The following NLN variants were observed in gnomAD, a reference collection of about 807,000 sequenced individuals.
The protein encoded by NLN is neurolysin, mitochondrial.
NLN carries 64 observed loss-of-function variants against 79.9 expected under a neutral mutation model. The ratio of observed to expected loss-of-function variants is 0.80; its 90% CI spans 0.65 to 0.99. The LOEUF (loss-of-function observed/expected upper bound fraction) is 0.99. Among genes scored for constraint, NLN ranks in the 50% least tolerant of loss-of-function variants. The pLI is 0.00. For synonymous variants in NLN, 267 were observed against 296.6 expected (o/e 0.90, Z 1.02); for missense variants, 835 against 858.7 (o/e 0.97, Z 0.34).
At chr5:65,794,434 G>A (rs1327133690) in intron 9 of NLN, among the ~76,000 whole-genome samples, 1 of 152,058 alleles carries the variant, frequency 6.6e-6, no homozygotes, top group Non-Finnish European at 1.5e-5. Context: ...GTGAAACCCA[G>A]TCTCTACAAA....
chr5:65,733,524 C>T, intron 1 of NLN: 2 of 1,445,756 alleles, frequency 1.4e-6, no homozygotes, highest in Non-Finnish European at 1.9e-6. Context: ...GATCCTTGCC[C>T]CAATTCGGGC....
chr5:65,761,707 AATT>A (rs1350435996), intron 2 of NLN, among the ~76,000 whole-genome samples: 1 of 152,228 alleles, frequency 6.6e-6, no homozygotes, highest in East Asian at 1.9e-4. Context: ...ACAGACATAA[AATT>A]ATTATTAAAT....
intron 1 of NLN, chr5:65,723,155 A>C (rs767528917): frequency 9.2e-5 from 14 of 152,372 alleles, no homozygotes; most frequent in African/African-American, 2.4e-5. Flanking sequence ...CCGTTTCCAA[A>C]TCTGCCCAGA....
At chr5:65,723,935 T>A (rs1758392177) in intron 1 of NLN, among the ~76,000 whole-genome samples, 1 of 151,470 alleles carries the variant, frequency 6.6e-6, no homozygotes, top group Non-Finnish European at 1.5e-5. Context: ...TGTCTATATT[T>A]ACCATATTAG....
At position 65,733,229 on chromosome 5, in the gene NLN, G is replaced by A. The variant is rs1758650485; in HGVS notation, c.41+10815G>A. 1.3e-5 allele frequency: 19 copies of A among 1,519,272 alleles called. 3 individuals carry two copies. Among genetic ancestry groups the A allele is most frequent in the Admixed American group, 1.7e-5 (1 of 58,152 alleles). 94.1% of individuals were successfully genotyped at this position (1,519,272 alleles called of 1,614,324 possible). ...TGCATCTGATTCATATCCTAATGTGGACCACCAATCTTGAGCCCCTTGGAG... is the reference window on the plus strand; with the variant it reads ...TGCATCTGATTCATATCCTAATGTGAACCACCAATCTTGAGCCCCTTGGAG... On this transcript the variant is annotated intron_variant, in intron 1 of 12. Coordinates refer to ENST00000380985, the MANE Select transcript of NLN (RefSeq NM_020726.5).
At position 65,748,637 on chromosome 5, in the gene NLN, C is replaced by G. The variant is rs185979992; in HGVS notation, c.42-9930C>G. Among the ~76,000 whole-genome samples the G allele has an allele frequency of 2.8e-3, 422 of 152,142 alleles. 3 individuals carry two copies. Among genetic ancestry groups the G allele is most frequent in the African/African-American group, 9.8e-3 (407 of 41,494 alleles). ...AGGCATGATGGTGCATGCCTATAGT[C>G]CCAGCTATTAGGGAAATGGGAGGAT... On this transcript the variant is annotated intron_variant, in intron 1 of 12. Coordinates refer to ENST00000380985, the MANE Select transcript of NLN (RefSeq NM_020726.5).
chr5:65,768,093 G>A (rs984833175), intron 3 of NLN, among the ~76,000 whole-genome samples: 2 of 152,100 alleles, frequency 1.3e-5, no homozygotes, highest in African/African-American at 4.8e-5. Context: ...CCTCCAAACT[G>A]TTCCAACCTC....
chr5:65,827,167 T>C lies in NLN; in HGVS notation c.*4252T>C, dbSNP rs981267589. ...CTGTAACAAAACAAAATTTGAAAAA[T>C]TGAGGTAATGTACACAGCGATGCAC... On this transcript the variant is annotated 3_prime_UTR_variant, in exon 13 of 13. Transcript: ENST00000380985. 1.3e-5 allele frequency: 2 copies of C among 151,846 alleles called. No individual in the cohort carries two copies. The highest frequency in any genetic ancestry group is 1.5e-5 in the Non-Finnish European group (1 of 67,948). The allele number at this position is 151,846 out of a possible 1,614,324, so 9.4% of individuals were successfully genotyped here.
At chr5:65,743,131 C>T (rs986869550) in intron 1 of NLN, among the ~76,000 whole-genome samples, 2 of 152,182 alleles carry the variant, frequency 1.3e-5, no homozygotes, top group Non-Finnish European at 2.9e-5. Context: ...CCTCTCCTGA[C>T]TTGGGGAAGC....
chr5:65,784,906 A>G (rs376146796), intron 6 of NLN, among the ~76,000 whole-genome samples: 24 of 152,328 alleles, frequency 1.6e-4, no homozygotes, highest in African/African-American at 5.8e-4. Flanking sequence ...TAGGAACTTC[A>G]TATAAGTGGA....
Position 65,787,044 on chromosome 5 carries a change from C to A in NLN, c.959-1074C>A, listed in dbSNP as rs567890344. Among the ~76,000 whole-genome samples the A allele has an allele frequency of 2.0e-5, 3 of 152,234 alleles. No individual in the cohort carries two copies. In the South Asian group the frequency reaches 6.2e-4, roughly 32 times the overall value. On this transcript the variant is annotated intron_variant, in intron 7 of 12. Transcript: ENST00000380985. The stretch of plus-strand genomic sequence containing the variant: ...TGTTTCCTTCAGTGGTGATTGCATA[C>A]ACTAAAATTTTCCTTAGTAACCACC...
intron 9 of NLN, among the ~76,000 whole-genome samples, chr5:65,797,416 C>G (rs926457948): frequency 6.6e-6 from 1 of 152,156 alleles, no homozygotes; most frequent in Non-Finnish European, 1.5e-5. Flanking sequence ...CTTGTCTGCT[C>G]TAAATATTTG....
chr5:65,749,850 C>A (rs765432961), intron 1 of NLN, among the ~76,000 whole-genome samples: 10 of 152,112 alleles, frequency 6.6e-5, no homozygotes, highest in Non-Finnish European at 1.5e-4. Context: ...ATTATCAATA[C>A]CCTTGGCCCT....
intron 1 of NLN, among the ~76,000 whole-genome samples, chr5:65,725,890 A>G (rs932493064): frequency 4.6e-5 from 7 of 152,194 alleles, no homozygotes; most frequent in African/African-American, 1.7e-4. Context: ...TGGCAGGTGG[A>G]TCACGAAGTC....
At chr5:65,755,977 G>A (rs12522710) in intron 1 of NLN, among the ~76,000 whole-genome samples, 2,271 of 152,158 alleles carry the variant, frequency 0.015, 136 homozygotes, top group East Asian at 0.12. Flanking sequence ...CATCATAGTA[G>A]TCTGACCTGT....
chr5:65,739,621 A>T (rs1758828841), intron 1 of NLN, among the ~76,000 whole-genome samples: 1 of 152,186 alleles, frequency 6.6e-6, no homozygotes, highest in Admixed American at 6.5e-5. Context: ...ATGAATTCAT[A>T]TTCCTACTAA....
At chr5:65,813,168 G>A (rs1025451648) in intron 12 of NLN, among the ~76,000 whole-genome samples, 1 of 151,988 alleles carries the variant, frequency 6.6e-6, no homozygotes, top group African/African-American at 2.4e-5. Context: ...CATATGTATT[G>A]AAATACATTG....
At chr5:65,800,634 A>C (rs1355013956) in intron 9 of NLN, among the ~76,000 whole-genome samples, 1 of 150,806 alleles carries the variant, frequency 6.6e-6, no homozygotes, top group Non-Finnish European at 1.5e-5. Context: ...CTGCCACTGC[A>C]CTCTAGCTTG....
At chr5:65,730,313 T>C (rs1758578152) in intron 1 of NLN, among the ~76,000 whole-genome samples, 1 of 152,202 alleles carries the variant, frequency 6.6e-6, no homozygotes, top group Non-Finnish European at 1.5e-5. Context: ...GTGATATTAA[T>C]ACTTGAGTAA....
Sources: allele counts gnomAD v4.1 joint callset (sites outside exome capture counted in the v4.1 genomes callset), GRCh38; gene constraint gnomAD v4.1.1; transcripts MANE v1.5; gene names NCBI Gene and HGNC (gene_info 2026-07-23, HGNC 2026-07-21).